Variants in GPC6 observed in about 807,000 individuals in gnomAD.
The protein encoded by GPC6 is glypican-6.
Under a neutral mutation model 55.2 loss-of-function variants are expected in GPC6, and 14 were observed. That is an observed-to-expected ratio of 0.25 (90% CI 0.17 to 0.40). The LOEUF is 0.40. Ranked by LOEUF, GPC6 falls within the 10% of genes least tolerant of loss-of-function variation. The pLI, the probability that GPC6 is intolerant of heterozygous loss-of-function variation, is 1.00. For missense variants in GPC6, 641 were observed against 708.5 expected (o/e 0.90, Z 1.08); for synonymous variants, 278 against 259.6 (o/e 1.07, Z -0.68).
intron 1 of GPC6, among the ~76,000 whole-genome samples, chr13:93,339,591 C>T (rs770218837): frequency 5.3e-5 from 8 of 152,264 alleles, no homozygotes; most frequent in Non-Finnish European, 8.8e-5. Context: ...TAGGAACTGA[C>T]AGTGAATTGG....
At chr13:93,406,850 C>A (rs1020244038) in intron 1 of GPC6, among the ~76,000 whole-genome samples, 3 of 152,016 alleles carry the variant, frequency 2.0e-5, no homozygotes, top group Non-Finnish European at 4.4e-5. Flanking sequence ...AACAGCTAAC[C>A]TGAAATATTT....
intron 1 of GPC6, among the ~76,000 whole-genome samples, chr13:93,506,496 G>A (rs1424521148): frequency 6.6e-5 from 10 of 152,132 alleles, no homozygotes; most frequent in Admixed American, 5.2e-4. Flanking sequence ...ATATGAGGCT[G>A]ACTTACCAAT....
At chr13:94,032,410 A>C (rs563488944) in intron 4 of GPC6, among the ~76,000 whole-genome samples, 1 of 152,182 alleles carries the variant, frequency 6.6e-6, no homozygotes, top group African/African-American at 2.4e-5. Flanking sequence ...AGCAAATAAG[A>C]TTGTATTGAA....
At chr13:93,858,959 T>G (rs892934800) in intron 3 of GPC6, among the ~76,000 whole-genome samples, 8 of 151,490 alleles carry the variant, frequency 5.3e-5, no homozygotes, top group African/African-American at 1.9e-4. Context: ...ATTATTATTA[T>G]GTTAAGATGA....
chr13:94,003,208 C>A (rs1051263856), intron 3 of GPC6, among the ~76,000 whole-genome samples: 1 of 152,132 alleles, frequency 6.6e-6, no homozygotes, highest in African/African-American at 2.4e-5. Context: ...ATAATTGGAA[C>A]CTGCCAAGAA....
intron 3 of GPC6, among the ~76,000 whole-genome samples, chr13:93,996,274 A>C (rs1881551143): frequency 6.6e-6 from 1 of 152,212 alleles, no homozygotes; most frequent in Admixed American, 6.5e-5. Context: ...AAACACGCTA[A>C]GGCTGAATTA....
At chr13:94,163,138 C>T (rs527875094) in intron 4 of GPC6, among the ~76,000 whole-genome samples, 2 of 152,232 alleles carry the variant, frequency 1.3e-5, no homozygotes, top group South Asian at 4.1e-4. Context: ...AATATTGTGC[C>T]AGTATTGATG....
At chr13:93,478,915 TGA>T (rs952765501) in intron 1 of GPC6, among the ~76,000 whole-genome samples, 6 of 152,150 alleles carry the variant, frequency 3.9e-5, no homozygotes. Flanking sequence ...TTGGACCTTT[TGA>T]GAGAGGGGGA....
At chr13:93,777,310 T>C (rs1468922067) in intron 2 of GPC6, among the ~76,000 whole-genome samples, 4 of 152,314 alleles carry the variant, frequency 2.6e-5, no homozygotes, top group African/African-American at 4.8e-5. Flanking sequence ...TCCTTGTTTT[T>C]CCTAACTCTT....
At chr13:93,675,212 G>A (rs1311387552) in intron 2 of GPC6, among the ~76,000 whole-genome samples, 1 of 151,938 alleles carries the variant, frequency 6.6e-6, no homozygotes, top group African/African-American at 2.4e-5. Context: ...TGCAACTCCA[G>A]TGCTTCTCCA....
chr13:93,651,252 A>T (rs1272376148), intron 2 of GPC6, among the ~76,000 whole-genome samples: 1 of 148,362 alleles, frequency 6.7e-6, no homozygotes, highest in Admixed American at 6.7e-5. Context: ...GAATCTACCT[A>T]TTTTTTTTTT....
At chr13:93,364,883 A>C (rs566829722) in intron 1 of GPC6, among the ~76,000 whole-genome samples, 3 of 151,932 alleles carry the variant, frequency 2.0e-5, no homozygotes, top group African/African-American at 7.2e-5. Context: ...TATTGCATAC[A>C]TTACACCTTC....
intron 6 of GPC6, among the ~76,000 whole-genome samples, chr13:94,372,847 C>G (rs1376306205): frequency 5.3e-5 from 8 of 152,160 alleles, no homozygotes; most frequent in Non-Finnish European, 1.2e-4. Context: ...GTGGTTCTCC[C>G]AGCAGGCAGC....
intron 6 of GPC6, among the ~76,000 whole-genome samples, chr13:94,332,230 A>T (rs1355997600): frequency 2.0e-5 from 3 of 152,126 alleles, no homozygotes; most frequent in African/African-American, 2.4e-5. Flanking sequence ...ATAAGTGCTT[A>T]TGAGGCCAAG....
At chr13:93,658,099 T>G (rs1478121167) in intron 2 of GPC6, among the ~76,000 whole-genome samples, 1 of 152,020 alleles carries the variant, frequency 6.6e-6, no homozygotes, top group Non-Finnish European at 1.5e-5. Context: ...ACATTTTAAG[T>G]GTAACATTTG....
chr13:93,789,501 C>CTATATATATATA (rs1388071759), intron 2 of GPC6, among the ~76,000 whole-genome samples: 1 of 78,978 alleles, frequency 1.3e-5, no homozygotes, highest in East Asian at 3.4e-4. Flanking sequence ...CTCTCTCTCT[C>CTATATATATATA]TCTCTCTCTA....
intron 1 of GPC6, among the ~76,000 whole-genome samples, chr13:93,303,986 A>G (rs1252613807): frequency 6.7e-6 from 1 of 149,112 alleles, no homozygotes; most frequent in African/African-American, 2.5e-5. Flanking sequence ...CTCCTGCCTC[A>G]GCCTCCCGAG....
intron 3 of GPC6, among the ~76,000 whole-genome samples, chr13:93,895,533 TTTTCTTCCTTTGGTA>T (rs2140322121): frequency 6.6e-6 from 1 of 151,912 alleles, no homozygotes; most frequent in South Asian, 2.1e-4. Context: ...TTTTTAGTAT[TTTTCTTCCTTTGGTA>T]TTTCTTCACA....
chr13:93,284,841 T>C (rs914120253), intron 1 of GPC6, among the ~76,000 whole-genome samples: 40 of 152,184 alleles, frequency 2.6e-4, no homozygotes, highest in Non-Finnish European at 5.0e-4. Flanking sequence ...TATTTCAATC[T>C]TGCTGCCCCA....
Sources: allele counts gnomAD v4.1 joint callset (sites outside exome capture counted in the v4.1 genomes callset), GRCh38; gene constraint gnomAD v4.1.1; transcripts MANE v1.5; gene names NCBI Gene and HGNC (gene_info 2026-07-23, HGNC 2026-07-21).